The following RABGEF1 variants were observed in gnomAD, a reference collection of about 807,000 sequenced individuals.
RABGEF1 encodes the protein RAB guanine nucleotide exchange factor 1.
RABGEF1 carries 26 observed loss-of-function variants against 57.3 expected under a neutral mutation model. The observed-to-expected ratio is 0.45, with a 90% CI of 0.33 to 0.63. The LOEUF (loss-of-function observed/expected upper bound fraction) is 0.63, where lower values mean the gene tolerates loss of function less well. RABGEF1 is among the 20% of genes least tolerant of loss of function. The probability of loss-of-function intolerance (pLI) is 0.02; values close to 1 mark genes in which losing one functional copy is unlikely to be tolerated. For synonymous variants in RABGEF1, 185 were observed against 210.7 expected (o/e 0.88, Z 1.06); for missense variants, 464 against 607.6 (o/e 0.76, Z 2.48).
chr7:66,726,372 T>TA (rs1030765344), intron 2 of RABGEF1, among the ~76,000 whole-genome samples: 7 of 151,630 alleles, frequency 4.6e-5, no homozygotes, highest in African/African-American at 1.7e-4. Flanking sequence ...ATTTAAGCAT[T>TA]TTTTTTAAGA....
intron 1 of RABGEF1, among the ~76,000 whole-genome samples, chr7:66,766,546 C>T (rs1462068976): frequency 6.6e-6 from 1 of 151,978 alleles, no homozygotes; most frequent in East Asian, 1.9e-4. Context: ...GATCTAAATC[C>T]TGACCTTGGA....
At chr7:66,795,779 A>G (rs1305214675) in intron 5 of RABGEF1, among the ~76,000 whole-genome samples, 187 bp downstream of exon 5, 4 of 152,198 alleles carry the variant, frequency 2.6e-5, no homozygotes, top group Non-Finnish European at 5.9e-5. Flanking sequence ...GTATCTTTCC[A>G]GGAGCAATTG....
intron 1 of RABGEF1, among the ~76,000 whole-genome samples, chr7:66,682,570 C>A (rs1789930198): frequency 6.6e-6 from 1 of 152,212 alleles, no homozygotes; most frequent in Non-Finnish European, 1.5e-5. Context: ...CGGCGGCTCC[C>A]CTCGGTCCGG....
chr7:66,722,084 G>A (rs1366270517), intron 2 of RABGEF1, among the ~76,000 whole-genome samples: 1 of 152,118 alleles, frequency 6.6e-6, no homozygotes, highest in Non-Finnish European at 1.5e-5. Context: ...TTGAGCCCAG[G>A]AGTTCAAGGT....
rs186070475 is a variant in RABGEF1 at position 66,799,875 on chromosome 7, C to T, written c.820+461C>T. Among the ~76,000 whole-genome samples, 614 of 152,110 alleles carry T rather than the reference C, an allele frequency of 4.0e-3. 3 individuals are homozygous for T. Among genetic ancestry groups the T allele is most frequent in the African/African-American group, 0.014 (563 of 41,474 alleles). On this transcript the variant is annotated intron_variant, in intron 7 of 8. Transcript: ENST00000284957. ...TGCCTCTGACTGGTTGTTAGAGAAGCGCTATGAGTTATTTTTCTGGTTTGA... is the reference window on the plus strand; with the variant it reads ...TGCCTCTGACTGGTTGTTAGAGAAGTGCTATGAGTTATTTTTCTGGTTTGA...
At chr7:66,787,200 CTT>C (rs554384993) in intron 4 of RABGEF1, among the ~76,000 whole-genome samples, 15 of 140,368 alleles carry the variant, frequency 1.1e-4, no homozygotes, top group East Asian at 2.0e-4. Flanking sequence ...ATAATTTTTA[CTT>C]TTTTTTTTTT....
intron 1 of RABGEF1, among the ~76,000 whole-genome samples, chr7:66,705,792 C>T (rs1363330445): frequency 6.7e-6 from 1 of 150,306 alleles, no homozygotes; most frequent in East Asian, 2.0e-4. Context: ...TCACTGCAAC[C>T]TCCACCTCCT....
chr7:66,664,748 CCGGTGCGCCGGCGGCTG>C, the RABGEF1 span, among the ~76,000 whole-genome samples: 1 of 152,214 alleles, frequency 6.6e-6, no homozygotes, highest in South Asian at 2.1e-4. Context: ...TTGGGTGTCT[CCGGTGCGCCGGCGGCTG>C]CCGCTTAAGT....
intron 1 of RABGEF1, among the ~76,000 whole-genome samples, chr7:66,686,129 A>G (rs538182256): frequency 1.5e-4 from 23 of 152,084 alleles, no homozygotes; most frequent in Admixed American, 1.0e-3. Flanking sequence ...AAATACAGAA[A>G]ACTTAGCCAG....
At position 66,799,307 on chromosome 7, in the gene RABGEF1, G is replaced by A. The variant is rs780324546; in HGVS notation, c.729-16G>A. The A allele has an allele frequency of 3.8e-6, 6 of 1,567,036 alleles. No homozygotes were observed. The highest frequency in any genetic ancestry group is 5.3e-6 in the Non-Finnish European group (6 of 1,138,440). On this transcript the variant is annotated splice_polypyrimidine_tract_variant and intron_variant, in intron 6 of 8. Transcript: ENST00000284957. ...TTTATCCTTGGAGCTCTTGTTTACT[G>A]TCTCTCTCTCTTTAGAGCCCTGCGC...
chr7:66,732,765 C>T (rs1359298303), intron 2 of RABGEF1, among the ~76,000 whole-genome samples: 1 of 151,248 alleles, frequency 6.6e-6, no homozygotes, highest in Non-Finnish European at 1.5e-5. Flanking sequence ...CTTGCTGTCT[C>T]TCTTTCTCAC....
chr7:66,797,321 AG>A (rs370001115), intron 5 of RABGEF1, 52 bp from the exon 6 acceptor site: 242,375 of 1,037,736 alleles, frequency 0.23, 5,047 homozygotes, highest in Non-Finnish European at 0.25. Flanking sequence ...AAAAAAAAAA[AG>A]AGAGAGAAAA....
chr7:66,770,731 A>C (rs1806892954), intron 1 of RABGEF1, among the ~76,000 whole-genome samples: 1 of 151,390 alleles, frequency 6.6e-6, no homozygotes, highest in Non-Finnish European at 1.5e-5. Context: ...TGATCCTCCC[A>C]CCTTGGCCTC....
the RABGEF1 span, among the ~76,000 whole-genome samples, chr7:66,675,608 T>C: frequency 0.12 from 18,237 of 152,066 alleles, 1,312 homozygotes; most frequent in East Asian, 0.2. Context: ...CAAGACAAAT[T>C]TAAAAGATTC....
At chr7:66,665,562 C>T in the RABGEF1 span, among the ~76,000 whole-genome samples, 1 of 152,184 alleles carries the variant, frequency 6.6e-6, no homozygotes, top group South Asian at 2.1e-4. Context: ...AGGCCAACCT[C>T]ACCACCTCTG....
At chr7:66,806,845 TG>T (rs1248823880) in intron 8 of RABGEF1, among the ~76,000 whole-genome samples, 1 of 152,210 alleles carries the variant, frequency 6.6e-6, no homozygotes, top group Non-Finnish European at 1.5e-5. Context: ...GGTTTCACCT[TG>T]TTGGCCAGGC....
intron 1 of RABGEF1, among the ~76,000 whole-genome samples, chr7:66,689,664 A>G (rs913127931): frequency 6.6e-6 from 1 of 152,112 alleles, no homozygotes; most frequent in Non-Finnish European, 1.5e-5. Context: ...ATAGTTGGGC[A>G]TGGTGGTAGG....
intron 1 of RABGEF1, among the ~76,000 whole-genome samples, chr7:66,766,710 C>CTTATTTATTTAT (rs59017193): frequency 0.036 from 5,312 of 149,320 alleles, 147 homozygotes; most frequent in African/African-American, 0.075. Context: ...ACTGTTACCT[C>CTTATTTATTTAT]TTATTTATTT....
At chr7:66,738,539 G>C (rs1009161343), upstream of RABGEF1, among the ~76,000 whole-genome samples, 2 of 152,058 alleles carry the variant, frequency 1.3e-5, no homozygotes, top group Non-Finnish European at 2.9e-5. Flanking sequence ...AGACCAGCCA[G>C]GGCGACATGG....
Sources: allele counts gnomAD v4.1 joint callset (sites outside exome capture counted in the v4.1 genomes callset), GRCh38; gene constraint gnomAD v4.1.1; transcripts MANE v1.5; gene names NCBI Gene and HGNC (gene_info 2026-07-23, HGNC 2026-07-21).